Variants in BAZ2B observed in about 807,000 individuals in gnomAD.
BAZ2B encodes the protein bromodomain adjacent to zinc finger domain protein 2B.
BAZ2B carries 91 observed loss-of-function variants against 246.0 expected under a neutral mutation model. The ratio of observed to expected loss-of-function variants is 0.37; its 90% CI spans 0.31 to 0.44. The LOEUF (loss-of-function observed/expected upper bound fraction) is 0.44, where lower values mean the gene tolerates loss of function less well. Ranked by LOEUF, BAZ2B falls within the 20% of genes least tolerant of loss-of-function variation. BAZ2B has a pLI of 1.00. For missense variants in BAZ2B, 2,332 were observed against 2,533.7 expected (o/e 0.92, Z 1.71); for synonymous variants, 855 against 860.0 (o/e 0.99, Z 0.10).
At chr2:159,448,783 T>A (rs1215184080) in intron 4 of BAZ2B, among the ~76,000 whole-genome samples, 1 of 152,220 alleles carries the variant, frequency 6.6e-6, no homozygotes. Context: ...TAAGTTTACA[T>A]CTACAACCTA....
At chr2:159,525,998 G>A (rs1369800849) in intron 2 of BAZ2B, among the ~76,000 whole-genome samples, 1 of 152,114 alleles carries the variant, frequency 6.6e-6, no homozygotes, top group Non-Finnish European at 1.5e-5. Context: ...TTGGTCTCCT[G>A]AGATAATTTA....
rs529134758 is a variant in BAZ2B, at chr2:159,352,664, T to C, written c.4214-2307A>G. Reference sequence around the variant, plus strand: ...CCATGTCCAAGTAATTTTTGTATTTTTTGTAGAGACGAGGTTTCACTATGT... The same window carrying C: ...CCATGTCCAAGTAATTTTTGTATTTCTTGTAGAGACGAGGTTTCACTATGT... On this transcript the variant is annotated intron_variant, in intron 27 of 36. Coordinates refer to ENST00000392783, the MANE Select transcript of BAZ2B (RefSeq NM_013450.4). Among the ~76,000 whole-genome samples, 95 of 152,266 alleles carry C rather than the reference T, an allele frequency of 6.2e-4. 4 individuals are homozygous for C. The South Asian group carries it at 0.019, about 31-fold the overall frequency.
intron 1 of BAZ2B, among the ~76,000 whole-genome samples, chr2:159,560,976 C>T (rs549677437): frequency 6.6e-6 from 1 of 152,086 alleles, no homozygotes; most frequent in Non-Finnish European, 1.5e-5. Context: ...AAACTATATA[C>T]TGGGAAACTG....
chr2:159,553,100 T>C (rs1439974632), intron 2 of BAZ2B, among the ~76,000 whole-genome samples: 1 of 152,054 alleles, frequency 6.6e-6, no homozygotes, highest in East Asian at 1.9e-4. Context: ...TAATAGAAAA[T>C]ATGCTGAAGA....
At chr2:159,678,125 G>T in the BAZ2B span, among the ~76,000 whole-genome samples, 1 of 152,134 alleles carries the variant, frequency 6.6e-6, no homozygotes, top group Non-Finnish European at 1.5e-5. Context: ...TTTTTCTGGA[G>T]CATCTATTTT....
intron 1 of BAZ2B, among the ~76,000 whole-genome samples, chr2:159,608,988 C>T (rs572542953): frequency 1.9e-4 from 29 of 152,186 alleles, no homozygotes; most frequent in Non-Finnish European, 2.2e-4. Flanking sequence ...TGTGTGGAAA[C>T]GCATCATTGT....
At chr2:159,523,940 AG>A (rs1203764213) in intron 2 of BAZ2B, among the ~76,000 whole-genome samples, 10 of 152,212 alleles carry the variant, frequency 6.6e-5, no homozygotes, top group African/African-American at 2.4e-4. Context: ...TATTCATCTA[AG>A]TCTCATTCAT....
intron 27 of BAZ2B, among the ~76,000 whole-genome samples, chr2:159,359,221 A>T (rs921502442): frequency 6.6e-6 from 1 of 152,182 alleles, no homozygotes; most frequent in Non-Finnish European, 1.5e-5. Context: ...CACACTAATA[A>T]AGGAGAAAAG....
At chr2:159,328,626 A>T (rs902202129) in intron 34 of BAZ2B, among the ~76,000 whole-genome samples, 3 of 151,662 alleles carry the variant, frequency 2.0e-5, no homozygotes, top group Non-Finnish European at 4.4e-5. Flanking sequence ...TAGGGCCATG[A>T]CTCCCCTGTT....
At chr2:159,462,242 T>C (rs993766970) in intron 3 of BAZ2B, 25 of 553,918 alleles carry the variant, frequency 4.5e-5, no homozygotes, top group Non-Finnish European at 6.9e-5. Context: ...GACAATGCTA[T>C]AGGTTCAACA....
chr2:159,374,644 T>G, intron 26 of BAZ2B, 47 bp downstream of exon 26: 1 of 1,524,050 alleles, frequency 6.6e-7, no homozygotes, highest in Non-Finnish European at 9.1e-7. Context: ...AATGTAGATT[T>G]CTAAAACACT....
intron 2 of BAZ2B, among the ~76,000 whole-genome samples, chr2:159,489,746 A>T (rs11901769): frequency 0.24 from 36,693 of 150,630 alleles, 4,647 homozygotes; most frequent in South Asian, 0.34. Flanking sequence ...TACTAAATTT[A>T]AAAAAAAAAT....
intron 2 of BAZ2B, among the ~76,000 whole-genome samples, chr2:159,549,969 A>G (rs576008588): frequency 4.6e-5 from 7 of 151,852 alleles, no homozygotes; most frequent in Non-Finnish European, 1.0e-4. Flanking sequence ...AACTACAGGC[A>G]TGTGCCACCA....
At chr2:159,440,085 C>T (rs2073099461) in intron 6 of BAZ2B, among the ~76,000 whole-genome samples, 1 of 151,990 alleles carries the variant, frequency 6.6e-6, no homozygotes, top group South Asian at 2.1e-4. Flanking sequence ...TATAAAAGAA[C>T]TCCTCAATAA....
intron 2 of BAZ2B, among the ~76,000 whole-genome samples, chr2:159,518,669 CTA>C (rs2083706520): frequency 6.6e-6 from 1 of 152,134 alleles, no homozygotes; most frequent in Non-Finnish European, 1.5e-5. Flanking sequence ...ACTTACAAAA[CTA>C]TGAGTAGAAG....
At chr2:159,680,037 GA>G in the BAZ2B span, among the ~76,000 whole-genome samples, 1 of 152,066 alleles carries the variant, frequency 6.6e-6, no homozygotes, top group Non-Finnish European at 1.5e-5. Flanking sequence ...TCCCTTTAAG[GA>G]AAAAATTATG....
chr2:159,472,696 G>T (rs1205500618), intron 3 of BAZ2B, among the ~76,000 whole-genome samples: 2 of 152,156 alleles, frequency 1.3e-5, no homozygotes, highest in Non-Finnish European at 2.9e-5. Context: ...TAGCATGAAG[G>T]GGTGTTGAAT....
At chr2:159,493,311 G>C (rs2080708522) in intron 2 of BAZ2B, among the ~76,000 whole-genome samples, 1 of 152,156 alleles carries the variant, frequency 6.6e-6, no homozygotes, top group Admixed American at 6.5e-5. Context: ...GTGCTCAACA[G>C]CTATCACATC....
chr2:159,392,276 G>C (rs1236740599), intron 20 of BAZ2B: 2 of 151,988 alleles, frequency 1.3e-5, no homozygotes, highest in East Asian at 3.9e-4. Flanking sequence ...TCACAATACT[G>C]TACCTTTGTA....
Sources: gnomAD v4.1 joint callset for allele counts (sites outside exome capture counted in the v4.1 genomes callset) on GRCh38, gnomAD v4.1.1 for gene constraint, MANE v1.5 for transcripts, NCBI Gene and HGNC (gene_info 2026-07-23, HGNC 2026-07-21) for gene names.